Variants in COL23A1 observed in about 807,000 individuals in gnomAD.
COL23A1 encodes collagen alpha-1(XXIII) chain.
A neutral mutation model predicts 99.3 loss-of-function variants in COL23A1; 97 were observed. That is an observed-to-expected ratio of 0.98 (90% CI 0.83 to 1.16). The LOEUF (loss-of-function observed/expected upper bound fraction) is 1.16. COL23A1 is among the 50% of genes most tolerant of loss of function. COL23A1 has a pLI of 0.00. For missense variants in COL23A1, 762 were observed against 757.4 expected (o/e 1.01, Z -0.07); for synonymous variants, 320 against 308.2 (o/e 1.04, Z -0.40).
intron 3 of COL23A1, among the ~76,000 whole-genome samples, chr5:178,298,331 G>T (rs958978639): frequency 9.2e-5 from 14 of 152,336 alleles, no homozygotes; most frequent in Admixed American, 3.3e-4. Context: ...GTAAGCAGAG[G>T]TGCGTGGTGA....
rs73342849 is a variant in COL23A1, at chr5:178,280,884, C to T, written c.441+7440G>A. 0.022 allele frequency among the ~76,000 whole-genome samples: 3,345 copies of T among 152,280 alleles called. 108 individuals are homozygous for T. Among genetic ancestry groups the T allele is most frequent in the African/African-American group, 0.077 (3,209 of 41,550 alleles). On this transcript the variant is annotated intron_variant, in intron 5 of 28. Coordinates refer to ENST00000390654, the MANE Select transcript of COL23A1 (RefSeq NM_173465.4). This position sits in a 1 kb window ranked among gnomAD's most constrained non-coding sequence, Gnocchi z 4.9. ...ACAGGAGGCATCTGGGAGCCGAGGG[C>T]GGAGCAGCAGCTCGGGCCCCACTGA...
chr5:178,480,815 T>C (rs1431732920), intron 2 of COL23A1, among the ~76,000 whole-genome samples: 1 of 152,184 alleles, frequency 6.6e-6, no homozygotes, highest in Non-Finnish European at 1.5e-5. Flanking sequence ...TTGTATAATA[T>C]GTCAGGGATA....
At chr5:178,530,621 C>A (rs1158243208) in intron 2 of COL23A1, among the ~76,000 whole-genome samples, 1 of 152,140 alleles carries the variant, frequency 6.6e-6, no homozygotes, top group African/African-American at 2.4e-5. Context: ...CACTTAGAAC[C>A]CAGTGGCTAA....
At chr5:178,516,617 T>C (rs1456661482) in intron 2 of COL23A1, among the ~76,000 whole-genome samples, 2 of 152,236 alleles carry the variant, frequency 1.3e-5, no homozygotes, top group African/African-American at 2.4e-5. Flanking sequence ...AGGCCCTGTC[T>C]CTTTCCACGT....
At chr5:178,449,699 A>T (rs767373801) in intron 2 of COL23A1, among the ~76,000 whole-genome samples, 2 of 151,350 alleles carry the variant, frequency 1.3e-5, no homozygotes, top group Non-Finnish European at 2.9e-5. Flanking sequence ...TATTTTTCCT[A>T]ATTAGAGAAG....
chr5:178,271,356 C>T (rs1756276833), intron 5 of COL23A1, among the ~76,000 whole-genome samples: 1 of 152,212 alleles, frequency 6.6e-6, no homozygotes, highest in Non-Finnish European at 1.5e-5. Context: ...CACTTCTGAA[C>T]CTTTGCACAC....
chr5:178,377,612 C>T (rs745859497), intron 2 of COL23A1, among the ~76,000 whole-genome samples: 4 of 152,354 alleles, frequency 2.6e-5, no homozygotes, highest in Middle Eastern at 3.4e-3. Context: ...CCAACCCCAT[C>T]TCCAAGGCGG....
chr5:178,547,453 G>T (rs1401518638), intron 2 of COL23A1, among the ~76,000 whole-genome samples: 1 of 136,952 alleles, frequency 7.3e-6, no homozygotes, highest in South Asian at 2.3e-4. Context: ...ATGCATGCAC[G>T]TGTGGGCACA....
chr5:178,325,030 T>C lies in COL23A1; in HGVS notation c.362-18111A>G, dbSNP rs556666239. Among the ~76,000 whole-genome samples, 44 of 151,978 alleles carry C rather than the reference T, an allele frequency of 2.9e-4. No homozygotes were observed. In the South Asian group the frequency reaches 8.9e-3, roughly 31 times the overall value. On this transcript the variant is annotated intron_variant, in intron 2 of 28. Transcript: ENST00000390654. The stretch of plus-strand genomic sequence containing the variant: ...CTCGCGAAGCAGCCACTATCACTAT[T>C]CCCAGCTTTGCAGCTGTGCACTGCA...
intron 8 of COL23A1, among the ~76,000 whole-genome samples, chr5:178,264,921 C>A (rs908669318): frequency 6.6e-6 from 1 of 152,224 alleles, no homozygotes; most frequent in East Asian, 1.9e-4. Context: ...GCTGGGATTA[C>A]AGGCGTGAGC....
At position 178,415,656 on chromosome 5, in the gene COL23A1, G is replaced by A. The variant is rs374533446; in HGVS notation, c.362-108737C>T. On this transcript the variant is annotated intron_variant, in intron 2 of 28. Transcript: ENST00000390654. This position sits in a 1 kb window ranked among gnomAD's most constrained non-coding sequence, Gnocchi z 4.6. ...CTCCATGAGGGCAAGGGGACTGTGC[G>A]GGCGGCGGTGAGGTGGGCAGTCAGC... Among the ~76,000 whole-genome samples, 3 of 152,218 alleles carry A rather than the reference G, an allele frequency of 2.0e-5. No homozygotes were observed. Among genetic ancestry groups the A allele is most frequent in the Admixed American group, 6.5e-5 (1 of 15,282 alleles).
chr5:178,486,394 A>G (rs891004795), intron 2 of COL23A1, among the ~76,000 whole-genome samples: 3 of 152,246 alleles, frequency 2.0e-5, no homozygotes, highest in African/African-American at 7.2e-5. Context: ...TCCAGCGCAG[A>G]GAATACCCGA....
At chr5:178,352,723 T>A (rs1761398941) in intron 2 of COL23A1, among the ~76,000 whole-genome samples, 1 of 152,218 alleles carries the variant, frequency 6.6e-6, no homozygotes, top group Admixed American at 6.5e-5. Flanking sequence ...AGCATGCCCC[T>A]CTGAGTGCAG....
chr5:178,328,218 G>A (rs1222595710), intron 2 of COL23A1, among the ~76,000 whole-genome samples: 4 of 152,074 alleles, frequency 2.6e-5, no homozygotes, highest in African/African-American at 7.2e-5. Context: ...ACTCCCACAC[G>A]TCCCCACTGA....
intron 2 of COL23A1, among the ~76,000 whole-genome samples, chr5:178,334,256 T>C (rs1043277897): frequency 6.6e-6 from 1 of 152,208 alleles, no homozygotes; most frequent in Non-Finnish European, 1.5e-5. Context: ...GGCGCAGTGC[T>C]GGGTGTGTCC....
intron 2 of COL23A1, among the ~76,000 whole-genome samples, chr5:178,371,637 C>T (rs577899578): frequency 3.9e-5 from 6 of 152,312 alleles, no homozygotes; most frequent in Admixed American, 2.6e-4. Context: ...GCTCACAGCT[C>T]ACCCACCCCG....
intron 2 of COL23A1, among the ~76,000 whole-genome samples, chr5:178,376,122 G>A (rs7733534): frequency 0.12 from 18,820 of 152,148 alleles, 2,513 homozygotes; most frequent in African/African-American, 0.34. Context: ...CCACATCCCA[G>A]TGTGATGAAG....
At chr5:178,537,235 G>A (rs532366442) in intron 2 of COL23A1, among the ~76,000 whole-genome samples, 1 of 152,278 alleles carries the variant, frequency 6.6e-6, no homozygotes, top group Non-Finnish European at 1.5e-5. Context: ...TCTGGGGCTT[G>A]TAGACGTGCC....
At chr5:178,385,314 C>T (rs1054406319) in intron 2 of COL23A1, among the ~76,000 whole-genome samples, 4 of 152,154 alleles carry the variant, frequency 2.6e-5, no homozygotes, top group African/African-American at 7.2e-5. Context: ...GCTGTGGACG[C>T]GGGGAATTCA....
Sources: gnomAD v4.1 joint callset for allele counts (sites outside exome capture counted in the v4.1 genomes callset) on GRCh38, gnomAD v4.1.1 for gene constraint, Gnocchi (gnomAD v3.1) non-coding constraint, MANE v1.5 for transcripts, NCBI Gene and HGNC (gene_info 2026-07-23, HGNC 2026-07-21) for gene names.